The following IKZF1 variants were observed in gnomAD, a reference collection of about 807,000 sequenced individuals.
IKZF1 encodes IKAROS family zinc finger 1, also known as DNA-binding protein Ikaros.
Under a neutral mutation model 51.7 loss-of-function variants are expected in IKZF1, and 10 were observed. The observed-to-expected ratio is 0.19, with a 90% CI of 0.12 to 0.33. The LOEUF (loss-of-function observed/expected upper bound fraction) is 0.33. Ranked by LOEUF, IKZF1 falls within the 10% of genes least tolerant of loss-of-function variation. The pLI, the probability that IKZF1 is intolerant of heterozygous loss-of-function variation, is 1.00. For synonymous variants in IKZF1, 280 were observed against 282.3 expected (o/e 0.99, Z 0.08); for missense variants, 484 against 707.5 (o/e 0.68, Z 3.58).
At chr7:50,306,186 A>C (rs923406213) in intron 1 of IKZF1, among the ~76,000 whole-genome samples, 2 of 152,222 alleles carry the variant, frequency 1.3e-5, no homozygotes, top group Non-Finnish European at 2.9e-5. Context: ...CAAGTTAAAG[A>C]AATAATGTGT....
chr7:50,341,617 G>C (rs1037400876), intron 3 of IKZF1, among the ~76,000 whole-genome samples: 1 of 152,130 alleles, frequency 6.6e-6, no homozygotes, highest in Non-Finnish European at 1.5e-5. Context: ...AAATTCCAGC[G>C]TAGCACTGTC....
At chr7:50,317,397 A>G (rs779973525) in intron 1 of IKZF1, among the ~76,000 whole-genome samples, 1 of 152,122 alleles carries the variant, frequency 6.6e-6, no homozygotes, top group Non-Finnish European at 1.5e-5. Context: ...TTGCTTCTTT[A>G]TCATTGTTTT....
At chr7:50,352,887 T>C (rs1802214313) in intron 3 of IKZF1, among the ~76,000 whole-genome samples, 1 of 152,270 alleles carries the variant, frequency 6.6e-6, no homozygotes, top group Admixed American at 6.5e-5. Flanking sequence ...TTGTATATCT[T>C]ATCCTTGCAT....
Position 50,361,305 on chromosome 7 carries a change from A to G in IKZF1, c.161-15228A>G, listed in dbSNP as rs931913951. ...GGGGGTAATTTCTAGAGGTGCCATCATAGTGCTTCTGTCTACTCAGTGTCT... is the reference window on the plus strand; with the variant it reads ...GGGGGTAATTTCTAGAGGTGCCATCGTAGTGCTTCTGTCTACTCAGTGTCT... On this transcript the variant is annotated intron_variant, in intron 3 of 7. Coordinates refer to ENST00000331340, the MANE Select transcript of IKZF1 (RefSeq NM_006060.6). Among the ~76,000 whole-genome samples the G allele has an allele frequency of 2.0e-5, 3 of 152,234 alleles. No individual in the cohort carries two copies. The South Asian group carries it at 6.2e-4, about 31-fold the overall frequency.
At position 50,324,545 on chromosome 7, in the gene IKZF1, G is replaced by A. The variant is rs148885918; in HGVS notation, c.41-3093G>A. On this transcript the variant is annotated intron_variant, in intron 2 of 7. Transcript: ENST00000331340. ...GATCAGTCTGACCCATGGTATTTTA[G>A]AATTGCGATCCCTACTGTTTCATTA... 1.3e-3 allele frequency among the ~76,000 whole-genome samples: 191 copies of A among 152,122 alleles called. 1 individual carries two copies. Among genetic ancestry groups the A allele is most frequent in the African/African-American group, 4.5e-3 (185 of 41,482 alleles).
chr7:50,378,128 G>A (rs1431439915), intron 4 of IKZF1, among the ~76,000 whole-genome samples: 2 of 152,150 alleles, frequency 1.3e-5, no homozygotes, highest in Non-Finnish European at 2.9e-5. Flanking sequence ...AGATATTTGT[G>A]GGGTTGTAAT....
intron 1 of IKZF1, among the ~76,000 whole-genome samples, chr7:50,309,125 C>T (rs1022019443): frequency 1.3e-5 from 2 of 152,202 alleles, no homozygotes; most frequent in Admixed American, 6.5e-5. Context: ...CCTGATAGCT[C>T]GTGGCGCGGG....
intron 3 of IKZF1, among the ~76,000 whole-genome samples, chr7:50,362,297 C>T (rs565739390): frequency 6.6e-5 from 10 of 152,332 alleles, no homozygotes; most frequent in South Asian, 6.2e-4. Flanking sequence ...TGAGGCGCTT[C>T]GGAAGGTCCA....
intron 4 of IKZF1, 146 bp from the exon 5 acceptor site, chr7:50,382,394 A>C: frequency 8.5e-7 from 1 of 1,174,630 alleles, no homozygotes; most frequent in East Asian, 2.8e-5. Context: ...AGGAGCTGGC[A>C]GGTTTAGTCT....
intron 3 of IKZF1, among the ~76,000 whole-genome samples, chr7:50,334,952 ATG>A (rs1462240257): frequency 3.5e-5 from 5 of 142,890 alleles, no homozygotes; most frequent in African/African-American, 1.3e-4. Flanking sequence ...TATGGTGTGT[ATG>A]TGTGGTGTGT....
chr7:50,348,744 A>G (rs1801035995), intron 3 of IKZF1, among the ~76,000 whole-genome samples: 1 of 152,248 alleles, frequency 6.6e-6, no homozygotes, highest in East Asian at 1.9e-4. Flanking sequence ...AGCAATCTCA[A>G]CAAGCGATTT....
chr7:50,330,326 C>T (rs762017247), intron 3 of IKZF1, among the ~76,000 whole-genome samples: 3 of 152,188 alleles, frequency 2.0e-5, no homozygotes, highest in South Asian at 2.1e-4. Flanking sequence ...TGTGGACAGG[C>T]GGGAACAGCC....
intron 1 of IKZF1, among the ~76,000 whole-genome samples, chr7:50,305,298 A>G (rs2153311008): frequency 6.6e-6 from 1 of 152,304 alleles, no homozygotes; most frequent in South Asian, 2.1e-4. Flanking sequence ...TTTATACTAT[A>G]AATATGATGA....
At chr7:50,343,193 G>A (rs1330532713) in intron 3 of IKZF1, among the ~76,000 whole-genome samples, 4 of 68,356 alleles carry the variant, frequency 5.9e-5, no homozygotes, top group East Asian at 5.3e-4. Flanking sequence ...CCTTCCCCTC[G>A]TCTCCCTTCC....
rs75045598 is a variant in IKZF1, at chr7:50,403,364, C to T, written c.*2737C>T. On this transcript the variant is annotated 3_prime_UTR_variant, in exon 8 of 8. Coordinates refer to ENST00000331340, the MANE Select transcript of IKZF1 (RefSeq NM_006060.6). Reference sequence around the variant, plus strand: ...CGTAGTTTCTTCTGTTGTATGATGGCGTGAGTGTGTGTCTTGGGTACCGCT... The same window carrying T: ...CGTAGTTTCTTCTGTTGTATGATGGTGTGAGTGTGTGTCTTGGGTACCGCT... 1,792 of 222,434 alleles carry T rather than the reference C, an allele frequency of 8.1e-3. 99 individuals are homozygous for T. In the East Asian group the frequency reaches 0.11, roughly 13 times the overall value. The allele number at this position is 222,434 out of a possible 1,614,324, so 13.8% of individuals were successfully genotyped here.
chr7:50,367,625 C>T (rs894165317), intron 3 of IKZF1: 1 of 166,036 alleles, frequency 6.0e-6, no homozygotes, highest in Non-Finnish European at 1.3e-5. Flanking sequence ...GAAACACGCA[C>T]TTTTGTGGAG....
In IKZF1 at chr7:50,400,396, G is replaced by C; in HGVS notation, c.1329G>C (p.Glu443Asp). 2 of 1,613,530 alleles carry C rather than the reference G, an allele frequency of 1.2e-6. No homozygotes were observed. Among genetic ancestry groups the C allele is most frequent in the Non-Finnish European group, 1.7e-6 (2 of 1,179,784 alleles). Residue 443 changes from glutamate (E) to aspartate (D), a missense_variant, in exon 8 of 8, where the codon GAG (glutamate) becomes GAC (aspartate). Glu to Asp is a conservative substitution (Grantham distance 45, BLOSUM62 2). This residue lies in a region of IKZF1 where 72 missense variants were observed against 67.5 expected (regional missense o/e 1.07). Transcript: ENST00000331340. This position sits in a 1 kb window ranked among gnomAD's most constrained non-coding sequence, Gnocchi z 5.4. Reference sequence around the variant, plus strand: ...ACGACCTGCTGCGCGCCGCCTCCGAGAACTCGCAGGACGCGCTCCGCGTGG... The same window carrying C: ...ACGACCTGCTGCGCGCCGCCTCCGACAACTCGCAGGACGCGCTCCGCGTGG... ...RAYDLLRAAS[E>D]NSQDALRVVS...
chr7:50,353,925 C>A (rs566262152), intron 3 of IKZF1, among the ~76,000 whole-genome samples: 1 of 152,298 alleles, frequency 6.6e-6, no homozygotes, highest in African/African-American at 2.4e-5. Flanking sequence ...TCATGCCACA[C>A]TGGGACCCAG....
At chr7:50,381,040 C>T (rs993550838) in intron 4 of IKZF1, among the ~76,000 whole-genome samples, 1 of 152,140 alleles carries the variant, frequency 6.6e-6, no homozygotes, top group African/African-American at 2.4e-5. Flanking sequence ...AGTATCAGGA[C>T]CTCTCCATTG....
Sources: allele counts gnomAD v4.1 joint callset (sites outside exome capture counted in the v4.1 genomes callset), GRCh38; gene constraint gnomAD v4.1.1; regional missense constraint gnomAD v4.1.1; non-coding constraint Gnocchi (gnomAD v3.1); transcripts MANE v1.5; gene names NCBI Gene and HGNC (gene_info 2026-07-23, HGNC 2026-07-21).